Variants in ZNF808 observed in about 807,000 individuals in gnomAD.
ZNF808 encodes zinc finger protein 808.
Under a neutral mutation model 8.7 loss-of-function variants are expected in ZNF808, and 5 were observed. The ratio of observed to expected loss-of-function variants is 0.58; its 90% confidence interval spans 0.30 to 1.21. The LOEUF is 1.21. Among genes scored for constraint, ZNF808 ranks in the 50% most tolerant of loss-of-function variants. The pLI is 0.07. For synonymous variants in ZNF808, 380 were observed against 366.0 expected, an observed-to-expected ratio of 1.04 and a Z score of -0.44; for missense variants, 1,103 against 1,098.4, an observed-to-expected ratio of 1.00 and a Z score of -0.06.
At position 52,553,849 on chromosome 19, in the gene ZNF808, A is replaced by C. The variant is rs1472687057; in HGVS notation, c.933A>C (p.Gly311=). The C allele has an allele frequency of 3.1e-6, 5 of 1,614,060 alleles. No individual in the cohort carries two copies. The Admixed American group carries it at 8.3e-5, about 27-fold the overall frequency. Residue 311 remains glycine, a synonymous_variant, in exon 5 of 5, where the codon GGA becomes GGC. Transcript: ENST00000359798. ...CATGCCATCATAGACTTCATACTGG[A>C]GTAAAACCTTACAAGTGTAATGAGT... ...SLTCHHRLHT[G]VKPYKCNECG... is the part of the protein sequence containing the mutation.
chr19:52,553,551 C>A lies in ZNF808; in HGVS notation c.635C>A (p.Pro212His). The A allele has an allele frequency of 6.2e-7, 1 of 1,614,098 alleles. No individual in the cohort carries two copies. The highest frequency in any genetic ancestry group is 8.5e-7 in the Non-Finnish European group (1 of 1,180,014). ...IHISNNYGNNPLNSSLLPQKQ... is the reference protein window; with the variant it reads ...IHISNNYGNNHLNSSLLPQKQ... ...ATTTCTAATAACTATGGGAATAATC[C>A]CCTGAATTCTTCATTACTCCCACAA... The change falls in exon 5 of 5, where the codon CCC becomes CAC. Residue 212 changes from proline to histidine, a missense_variant. Pro to His is a moderately conservative substitution (Grantham distance 77, BLOSUM62 -2). Transcript: ENST00000359798.
At position 52,555,850 on chromosome 19, in the gene ZNF808, G is replaced by T. The variant is rs2059831671; in HGVS notation, c.*222G>T. The T allele has an allele frequency of 3.9e-6, 3 of 763,002 alleles. No homozygotes were observed. Among genetic ancestry groups the T allele is most frequent in the Non-Finnish European group, 7.0e-6 (3 of 429,170 alleles). The allele number at this position is 763,002 out of a possible 1,614,324, so 47.3% of individuals were successfully genotyped here. A position where few individuals can be genotyped will look rare whatever the true frequency, so the allele number is the denominator to read the frequency against. On this transcript the variant is annotated 3_prime_UTR_variant, in exon 5 of 5. Coordinates refer to ENST00000359798, the MANE Select transcript of ZNF808 (RefSeq NM_001039886.4). ...AAGCTTCATCCTATGCAAAACAGGA[G>T]AATTCATACAGGAGAGAAACCTCAC...
At chr19:52,561,511 C>G (rs2059858186) in intron 3 of ZNF808, among the ~76,000 whole-genome samples, 1 of 151,684 alleles carries the variant, frequency 6.6e-6, no homozygotes, top group East Asian at 1.9e-4. Flanking sequence ...CACTGGCCTG[C>G]TGTACTTATT....
downstream of ZNF808, among the ~76,000 whole-genome samples, chr19:52,565,235 G>A (rs1279887430): frequency 1.3e-5 from 2 of 152,120 alleles, no homozygotes; most frequent in Non-Finnish European, 2.9e-5. Context: ...CCAAGATCAC[G>A]CCAATGCACA....
chr19:52,543,920 A>G (rs2059696985), intron 3 of ZNF808, among the ~76,000 whole-genome samples: 1 of 151,188 alleles, frequency 6.6e-6, no homozygotes, highest in African/African-American at 2.4e-5. Context: ...GCATTTTGGG[A>G]GGCCAAGGCA....
chr19:52,555,176 C>G lies in ZNF808; in HGVS notation c.2260C>G (p.Arg754Gly). The part of the protein sequence containing the change: ...FSQKATLLCH[R>G]RLHSGEKPYK... ...TCAGAAGGCAACCCTTCTATGCCAT[C>G]GTAGACTTCATAGTGGTGAGAAACC... Residue 754 changes from arginine to glycine, a missense_variant, in exon 5 of 5, where the codon CGT becomes GGT. Transcript: ENST00000359798. 6.2e-7 allele frequency: 1 copy of G among 1,613,918 alleles called. No homozygotes were observed. The highest frequency in any genetic ancestry group is 1.1e-5 in the South Asian group (1 of 91,070).
downstream of ZNF808, among the ~76,000 whole-genome samples, chr19:52,567,596 C>G (rs1054445545): frequency 6.6e-6 from 1 of 150,978 alleles, no homozygotes; most frequent in Non-Finnish European, 1.5e-5. Context: ...ATGATCATGG[C>G]TCACCACAGC....
At chr19:52,529,199 G>C (rs2059538610) in intron 1 of ZNF808, among the ~76,000 whole-genome samples, 1 of 148,740 alleles carries the variant, frequency 6.7e-6, no homozygotes, top group African/African-American at 2.5e-5. Context: ...AACATAGTGA[G>C]ACCCCTATCT....
chr19:52,543,249 T>TG lies in ZNF808; in HGVS notation c.-19-17_-19-16insG, dbSNP rs1345218397. On this transcript the variant is annotated splice_polypyrimidine_tract_variant and intron_variant, in intron 2 of 4. Coordinates refer to ENST00000359798, the MANE Select transcript of ZNF808 (RefSeq NM_001039886.4). ...GAGTCATTTCTAACATGAAGTCTTA[T>TG]TTTTTTTCACATACAGGATTGATTT... 1.3e-6 allele frequency: 2 copies of TG among 1,594,662 alleles called. No homozygotes were observed. The highest frequency in any genetic ancestry group is 4.5e-5 in the East Asian group (2 of 44,388).
At chr19:52,565,666 A>C (rs1389361855), downstream of ZNF808, among the ~76,000 whole-genome samples, 1 of 152,198 alleles carries the variant, frequency 6.6e-6, no homozygotes, top group African/African-American at 2.4e-5. Flanking sequence ...CTAAGGCATA[A>C]GTGACTATTC....
intron 2 of ZNF808, among the ~76,000 whole-genome samples, chr19:52,534,611 C>T (rs1351363061): frequency 6.6e-6 from 1 of 151,960 alleles, no homozygotes; most frequent in Non-Finnish European, 1.5e-5. Context: ...TTTCCTGGGC[C>T]AGGCATGGTG....
downstream of ZNF808, among the ~76,000 whole-genome samples, chr19:52,559,151 G>A (rs1342037312): frequency 1.3e-5 from 2 of 152,068 alleles, no homozygotes; most frequent in Non-Finnish European, 2.9e-5. Context: ...AAAAGAGGAA[G>A]GCCTCTTTGC....
At chr19:52,536,561 C>A (rs1166350523) in intron 2 of ZNF808, among the ~76,000 whole-genome samples, 1 of 152,182 alleles carries the variant, frequency 6.6e-6, no homozygotes, top group Non-Finnish European at 1.5e-5. Flanking sequence ...GCAGTCACCG[C>A]TTCCCCTGAA....
chr19:52,540,308 C>T (rs1205598415), intron 2 of ZNF808, among the ~76,000 whole-genome samples: 1 of 152,186 alleles, frequency 6.6e-6, no homozygotes, highest in Admixed American at 6.5e-5. Context: ...CTATGCCTGT[C>T]CTCATTGTTT....
At chr19:52,531,829 T>A (rs2059564464) in intron 1 of ZNF808, among the ~76,000 whole-genome samples, 1 of 152,228 alleles carries the variant, frequency 6.6e-6, no homozygotes, top group Admixed American at 6.5e-5. Context: ...GTTATGTAAC[T>A]GTACTTGTGA....
intron 2 of ZNF808, among the ~76,000 whole-genome samples, chr19:52,533,580 C>T (rs1440140502): frequency 3.3e-5 from 5 of 151,008 alleles, no homozygotes; most frequent in Admixed American, 1.3e-4. Context: ...ACAACAGCCA[C>T]GCGCAGTGGC....
rs1204871568 is a variant in ZNF808, at chr19:52,555,757, A to C, written c.*129A>C. ...TTTTCAGACATTGTTCATACATTGC[A>C]GTTCATTGGCAACCTCATACTGGAG... is the stretch of plus-strand genomic sequence containing the variant. On this transcript the variant is annotated 3_prime_UTR_variant, in exon 5 of 5. Coordinates refer to ENST00000359798, the MANE Select transcript of ZNF808 (RefSeq NM_001039886.4). 1 of 1,358,466 alleles carries C rather than the reference A, an allele frequency of 7.4e-7. No individual in the cohort carries two copies. The highest frequency in any genetic ancestry group is 1.4e-5 in the African/African-American group (1 of 69,300). The allele number at this position is 1,358,466 out of a possible 1,614,324, so 84.2% of individuals were successfully genotyped here. A position where few individuals can be genotyped will look rare whatever the true frequency, so the allele number is the denominator to read the frequency against.
intron 2 of ZNF808, among the ~76,000 whole-genome samples, chr19:52,534,772 C>G (rs1284781937): frequency 6.6e-6 from 1 of 151,954 alleles, no homozygotes; most frequent in South Asian, 2.1e-4. Flanking sequence ...GCTTGTAATA[C>G]CAGCTACTCG....
chr19:52,535,951 G>A (rs2123086714), intron 2 of ZNF808: 1 of 150,184 alleles, frequency 6.7e-6, no homozygotes, highest in Non-Finnish European at 1.5e-5. Context: ...CCCAGGCCCC[G>A]CCAAACTGTT....
Sources: allele counts gnomAD v4.1 joint callset (sites outside exome capture counted in the v4.1 genomes callset), GRCh38; gene constraint gnomAD v4.1.1; transcripts MANE v1.5; gene names NCBI Gene and HGNC (gene_info 2026-07-23, HGNC 2026-07-21).